Variants in CSMD1 observed in about 807,000 individuals in gnomAD.
CSMD1 encodes CUB and Sushi multiple domains 1.
CSMD1 carries 213 observed loss-of-function variants against 417.5 expected under a neutral mutation model. That is an observed-to-expected ratio of 0.51 (90% confidence interval 0.46 to 0.57). The LOEUF (loss-of-function observed/expected upper bound fraction) is 0.57. CSMD1 is among the 20% of genes least tolerant of loss of function. CSMD1 has a pLI of 0.00. For missense variants in CSMD1, 6,923 were observed against 4,529.7 expected (o/e 1.53, Z -15.17); for synonymous variants, 2,862 against 1,736.8 (o/e 1.65, Z -16.11).
rs536821025 is a variant in CSMD1 at position 3,940,600 on chromosome 8, C to T, written c.818+57303G>A. Among the ~76,000 whole-genome samples, 3 of 150,364 alleles carry T rather than the reference C, an allele frequency of 2.0e-5. 1 individual carries two copies. Among genetic ancestry groups the T allele is most frequent in the South Asian group, 4.3e-4 (2 of 4,694 alleles). ...ATTCAAGAACAACAACAAAAAAGAA[C>T]ATATACACCACAACACTGCCAATCA... On this transcript the variant is annotated intron_variant, in intron 5 of 69. Transcript: ENST00000635120.
intron 28 of CSMD1, among the ~76,000 whole-genome samples, chr8:3,221,734 T>G (rs1340065576): frequency 1.3e-5 from 2 of 152,028 alleles, no homozygotes; most frequent in South Asian, 2.1e-4. Context: ...TGACTCAAAT[T>G]GAACCAAATT....
intron 25 of CSMD1, 70 bp downstream of exon 25, chr8:3,307,625 C>T (rs977319421): frequency 6.8e-7 from 1 of 1,478,782 alleles, no homozygotes; most frequent in Non-Finnish European, 9.3e-7. Context: ...TGGTGTACCA[C>T]TATCTCTGCT....
chr8:3,559,218 T>A (rs1195250487), intron 10 of CSMD1, among the ~76,000 whole-genome samples: 1 of 152,222 alleles, frequency 6.6e-6, no homozygotes, highest in Admixed American at 6.5e-5. Context: ...ATATTTCAAA[T>A]GTGCAACAAC....
intron 5 of CSMD1, among the ~76,000 whole-genome samples, chr8:3,930,523 T>A (rs1810067659): frequency 6.6e-6 from 1 of 150,398 alleles, no homozygotes; most frequent in East Asian, 1.9e-4. Context: ...TGCCTTTGCC[T>A]CTTTTCAAAA....
At chr8:4,852,795 A>G (rs897282645) in intron 1 of CSMD1, among the ~76,000 whole-genome samples, 10 of 152,166 alleles carry the variant, frequency 6.6e-5, no homozygotes, top group African/African-American at 2.4e-4. Context: ...ATGAGGTCTT[A>G]GATGAAAATG....
At chr8:3,115,603 C>T (rs1816820189) in intron 42 of CSMD1, among the ~76,000 whole-genome samples, 1 of 152,122 alleles carries the variant, frequency 6.6e-6, no homozygotes, top group Non-Finnish European at 1.5e-5. Flanking sequence ...CTTTCAGAGA[C>T]ATATTCTTTC....
intron 1 of CSMD1, among the ~76,000 whole-genome samples, chr8:4,852,084 CTCTTTA>C (rs1265109400): frequency 6.6e-6 from 1 of 152,202 alleles, no homozygotes; most frequent in Non-Finnish European, 1.5e-5. Context: ...GATTCCCTCT[CTCTTTA>C]TATCTTTTAC....
intron 10 of CSMD1, among the ~76,000 whole-genome samples, chr8:3,547,993 A>T (rs192036325): frequency 0.012 from 1,890 of 152,332 alleles, 18 homozygotes; most frequent in East Asian, 0.058. Context: ...AGAAAAAAAT[A>T]ACTAAAAGAA....
chr8:2,983,787 C>T (rs1322010432), intron 54 of CSMD1, among the ~76,000 whole-genome samples: 1 of 152,048 alleles, frequency 6.6e-6, no homozygotes, highest in African/African-American at 2.4e-5. Context: ...TGCCTGGGGC[C>T]AAATTTGTTC....
intron 7 of CSMD1, among the ~76,000 whole-genome samples, chr8:3,687,047 T>A (rs1799977423): frequency 6.6e-6 from 1 of 152,102 alleles, no homozygotes; most frequent in African/African-American, 2.4e-5. Flanking sequence ...TGTAAAAAAA[T>A]TATGAGGATG....
intron 1 of CSMD1, among the ~76,000 whole-genome samples, chr8:4,933,254 T>C (rs564038276): frequency 2.6e-5 from 4 of 152,268 alleles, no homozygotes; most frequent in East Asian, 3.9e-4. Flanking sequence ...ACGGCACTAG[T>C]AAATTTTAGA....
intron 2 of CSMD1, among the ~76,000 whole-genome samples, chr8:4,541,506 G>C (rs900040965): frequency 6.6e-6 from 1 of 152,028 alleles, no homozygotes. Flanking sequence ...CCCACACTTT[G>C]GGAGGCTGAA....
At chr8:3,382,335 T>C (rs1392886214) in intron 18 of CSMD1, among the ~76,000 whole-genome samples, 1 of 146,662 alleles carries the variant, frequency 6.8e-6, no homozygotes, top group African/African-American at 2.5e-5. Context: ...TATATATATA[T>C]AAATTTATAT....
At chr8:3,053,902 T>C (rs1436649120) in intron 49 of CSMD1, among the ~76,000 whole-genome samples, 1 of 152,224 alleles carries the variant, frequency 6.6e-6, no homozygotes, top group African/African-American at 2.4e-5. Context: ...ACACCATGGA[T>C]TTAAATTCAG....
chr8:3,439,672 T>C (rs1167385513), intron 12 of CSMD1, among the ~76,000 whole-genome samples: 1 of 152,190 alleles, frequency 6.6e-6, no homozygotes, highest in Non-Finnish European at 1.5e-5. Context: ...AATCAATTAT[T>C]TGGTAAATAA....
chr8:4,336,795 G>A (rs1342764069), intron 3 of CSMD1, among the ~76,000 whole-genome samples: 2 of 152,070 alleles, frequency 1.3e-5, no homozygotes, highest in Non-Finnish European at 2.9e-5. Flanking sequence ...GATGCCGCCT[G>A]GATGAAAGGC....
intron 10 of CSMD1, among the ~76,000 whole-genome samples, chr8:3,508,084 T>A (rs947852120): frequency 6.6e-6 from 1 of 152,194 alleles, no homozygotes; most frequent in African/African-American, 2.4e-5. Flanking sequence ...TCCTTGCCCA[T>A]GCCTATGTCC....
At chr8:4,357,850 C>G (rs1189676253) in intron 3 of CSMD1, among the ~76,000 whole-genome samples, 4 of 151,976 alleles carry the variant, frequency 2.6e-5, no homozygotes, top group Non-Finnish European at 1.5e-5. Flanking sequence ...AGTAATATCA[C>G]TTAAAATTTA....
intron 26 of CSMD1, chr8:3,278,460 A>G (rs775993137): frequency 1.8e-4 from 27 of 152,232 alleles, no homozygotes; most frequent in Non-Finnish European, 3.1e-4. Context: ...AATCTCATTT[A>G]ATACAATTGA....
Sources: allele counts gnomAD v4.1 joint callset (sites outside exome capture counted in the v4.1 genomes callset), GRCh38; gene constraint gnomAD v4.1.1; transcripts MANE v1.5; gene names NCBI Gene and HGNC (gene_info 2026-07-23, HGNC 2026-07-21).